KCTD16: variants seen among roughly 807,000 people sequenced by gnomAD.
KCTD16 encodes BTB/POZ domain-containing protein KCTD16.
In KCTD16, 13 loss-of-function variants were observed where a neutral mutation model predicts 33.2. The ratio of observed to expected loss-of-function variants is 0.39; its 90% CI spans 0.25 to 0.62. The LOEUF (loss-of-function observed/expected upper bound fraction) is 0.62, where lower values mean the gene tolerates loss of function less well. Ranked by LOEUF, KCTD16 falls within the 20% of genes least tolerant of loss-of-function variation. KCTD16 has a pLI of 0.50. For missense variants in KCTD16, 441 were observed against 525.1 expected (o/e 0.84, Z 1.57); for synonymous variants, 197 against 195.3 (o/e 1.01, Z -0.07).
At chr5:144,282,972 C>A (rs937206223) in intron 3 of KCTD16, among the ~76,000 whole-genome samples, 12 of 152,270 alleles carry the variant, frequency 7.9e-5, no homozygotes, top group South Asian at 2.1e-4. Context: ...CATTATTCCC[C>A]TCACCATATC....
chr5:144,306,407 C>T (rs1306685426), intron 3 of KCTD16, among the ~76,000 whole-genome samples: 2 of 152,342 alleles, frequency 1.3e-5, no homozygotes, highest in South Asian at 4.1e-4. Flanking sequence ...CACTGCCTGC[C>T]CTGGCAGCAG....
At chr5:144,387,003 C>G (rs1752338253) in intron 3 of KCTD16, among the ~76,000 whole-genome samples, 1 of 152,000 alleles carries the variant, frequency 6.6e-6, no homozygotes. Context: ...CACAATCCTC[C>G]TCTGTTGGGG....
intron 3 of KCTD16, among the ~76,000 whole-genome samples, chr5:144,413,515 A>T (rs1752979250): frequency 2.6e-5 from 4 of 152,166 alleles, no homozygotes; most frequent in Admixed American, 1.3e-4. Flanking sequence ...TTAGGGAAAA[A>T]TGTTCACGTG....
intron 2 of KCTD16, among the ~76,000 whole-genome samples, chr5:144,176,005 T>C (rs909635197): frequency 6.6e-6 from 1 of 152,228 alleles, no homozygotes; most frequent in Non-Finnish European, 1.5e-5. Context: ...CTTTTTGATA[T>C]GGTGGAGTGT....
chr5:144,285,645 G>A (rs925734659), intron 3 of KCTD16, among the ~76,000 whole-genome samples: 1 of 152,170 alleles, frequency 6.6e-6, no homozygotes, highest in Admixed American at 6.5e-5. Flanking sequence ...TGATGGACAT[G>A]TGCCATTTCA....
At chr5:144,386,105 A>G (rs1424171988) in intron 3 of KCTD16, among the ~76,000 whole-genome samples, 1 of 152,184 alleles carries the variant, frequency 6.6e-6, no homozygotes, top group Non-Finnish European at 1.5e-5. Context: ...AGATACGTGT[A>G]TTAGATTGGC....
intron 3 of KCTD16, among the ~76,000 whole-genome samples, chr5:144,269,166 C>T (rs1580833782): frequency 6.6e-6 from 1 of 151,896 alleles, no homozygotes; most frequent in South Asian, 2.1e-4. Context: ...GGAAAAGGGG[C>T]AGAGAGAATA....
chr5:144,190,117 C>G (rs1483885744), intron 2 of KCTD16, among the ~76,000 whole-genome samples: 1 of 152,188 alleles, frequency 6.6e-6, no homozygotes, highest in South Asian at 2.1e-4. Flanking sequence ...GTCACTCTTT[C>G]CTCTGTGTCT....
Position 144,186,537 on chromosome 5 carries a change from A to C in KCTD16, c.-327+12065A>C, listed in dbSNP as rs185298247. Among the ~76,000 whole-genome samples, 354 of 152,266 alleles carry C rather than the reference A, an allele frequency of 2.3e-3. 1 individual carries two copies. Among genetic ancestry groups the C allele is most frequent in the Admixed American group, 7.7e-3 (117 of 15,288 alleles). On this transcript the variant is annotated intron_variant, in intron 2 of 3. Coordinates refer to ENST00000512467, the MANE Select transcript of KCTD16 (RefSeq NM_020768.4). ...ATATTCTAGATTTGTAGTTTTAAAA[A>C]ATAGCTGAAAAGTCTGTCTCAAAGC...
rs1203026190 is a variant in KCTD16 at position 144,174,149 on chromosome 5, C to T, written c.-492-158C>T. ...CCAAAACAAAAAGGGAAAGGACATC[C>T]TAATAATGAGTAATATCATTTAGTT... On this transcript the variant is annotated intron_variant, in intron 1 of 3. Transcript: ENST00000512467. Among the ~76,000 whole-genome samples the T allele has an allele frequency of 2.0e-5, 3 of 152,234 alleles. No homozygotes were observed. In the East Asian group the frequency reaches 5.8e-4, roughly 29 times the overall value.
At chr5:144,389,178 C>T (rs1752396362) in intron 3 of KCTD16, among the ~76,000 whole-genome samples, 1 of 152,176 alleles carries the variant, frequency 6.6e-6, no homozygotes, top group Non-Finnish European at 1.5e-5. Context: ...TAAATTGTTG[C>T]TGAAGGTAGA....
intron 3 of KCTD16, among the ~76,000 whole-genome samples, chr5:144,328,863 C>CTTT (rs529931780): frequency 1.1e-3 from 155 of 144,090 alleles, no homozygotes; most frequent in South Asian, 1.6e-3. Flanking sequence ...TAGCTTTTTT[C>CTTT]TTTTTTTTTT....
At chr5:144,178,762 A>G (rs1413233400) in intron 2 of KCTD16, among the ~76,000 whole-genome samples, 1 of 152,160 alleles carries the variant, frequency 6.6e-6, no homozygotes, top group Non-Finnish European at 1.5e-5. Context: ...TCTTGACTCT[A>G]ATTAAAAGTT....
intron 3 of KCTD16, among the ~76,000 whole-genome samples, chr5:144,416,725 C>G (rs1202336104): frequency 6.6e-6 from 1 of 152,170 alleles, no homozygotes; most frequent in Non-Finnish European, 1.5e-5. Context: ...AGCTCCAAAA[C>G]ATTTCCATCA....
At chr5:144,275,618 G>C (rs1165347843) in intron 3 of KCTD16, among the ~76,000 whole-genome samples, 1 of 152,140 alleles carries the variant, frequency 6.6e-6, no homozygotes, top group Admixed American at 6.5e-5. Context: ...ATTCCAAAGA[G>C]TGTCATGGGA....
At chr5:144,189,274 C>T (rs1307312872) in intron 2 of KCTD16, among the ~76,000 whole-genome samples, 3 of 152,064 alleles carry the variant, frequency 2.0e-5, no homozygotes, top group Admixed American at 2.0e-4. Context: ...GGGCGGATCA[C>T]GAGGTCAGGA....
chr5:144,418,400 GTTTTACAGAGTGCTGATTGGTCCGT>G (rs1753132663), intron 3 of KCTD16, among the ~76,000 whole-genome samples: 1 of 152,018 alleles, frequency 6.6e-6, no homozygotes, highest in Non-Finnish European at 1.5e-5. Context: ...TGATTGGTCT[GTTTTACAGAGTGCTGATTGGTCCGT>G]TTTTACAGAG....
intron 3 of KCTD16, among the ~76,000 whole-genome samples, chr5:144,250,599 CTA>C (rs1225187389): frequency 6.6e-6 from 1 of 152,154 alleles, no homozygotes; most frequent in African/African-American, 2.4e-5. Context: ...TCTCAAATAA[CTA>C]TAGTGCAAAT....
chr5:144,393,726 A>G (rs1359831883), intron 3 of KCTD16, among the ~76,000 whole-genome samples: 2 of 152,180 alleles, frequency 1.3e-5, no homozygotes, highest in Non-Finnish European at 2.9e-5. Context: ...GACAACCTGC[A>G]TTCTGTAGTT....
Sources: gnomAD v4.1 joint callset for allele counts (sites outside exome capture counted in the v4.1 genomes callset) on GRCh38, gnomAD v4.1.1 for gene constraint, MANE v1.5 for transcripts, NCBI Gene and HGNC (gene_info 2026-07-23, HGNC 2026-07-21) for gene names.